FUOM: variants seen among roughly 807,000 people sequenced by gnomAD.
The protein encoded by FUOM is protein fucU homolog.
Under a neutral mutation model 18.3 loss-of-function variants are expected in FUOM, and 19 were observed. That is an observed-to-expected ratio of 1.04 (90% confidence interval 0.73 to 1.53). FUOM has a LOEUF of 1.53. Ranked by LOEUF, FUOM falls within the 40% of genes most tolerant of loss-of-function variation. The probability of loss-of-function intolerance (pLI) is 0.00; values close to 1 mark genes in which losing one functional copy is unlikely to be tolerated. For synonymous variants in FUOM, 102 were observed against 87.9 expected (o/e 1.16, Z -0.90); for missense variants, 210 against 200.9 (o/e 1.04, Z -0.27).
chr10:133,356,921 G>T, intron 3 of FUOM, 22 bp downstream of exon 3: 7 of 1,548,640 alleles, frequency 4.5e-6, no homozygotes, highest in Non-Finnish European at 6.1e-6. Context: ...GCAGCAGGGT[G>T]CAGGGGCGAC....
intron 4 of FUOM, among the ~76,000 whole-genome samples, 181 bp downstream of exon 4, chr10:133,356,459 G>A (rs1848802711): frequency 6.6e-6 from 1 of 152,224 alleles, no homozygotes; most frequent in Non-Finnish European, 1.5e-5. Flanking sequence ...GGGCCACACT[G>A]CCCAGGTGCA....
chr10:133,356,959 G>A lies in FUOM; in HGVS notation c.209C>T (p.Thr70Ile), dbSNP rs1322072866. The change falls in exon 3 of 6, where the codon ACC becomes ATC. Residue 70 changes from threonine (T) to isoleucine (I), a missense_variant. By Grantham distance (89) the Thr-to-Ile change is moderately conservative. Transcript: ENST00000278025. ...AGCCCTCACCGGACTCTCCACATAG[G>A]TGTCCAGGGGCAGCAGCTTCAGCAC... Reference protein sequence around the residue: ...EAVLKLLPLDTYVESPAAVME... With the variant: ...EAVLKLLPLDIYVESPAAVME... The A allele has an allele frequency of 1.0e-5, 16 of 1,550,232 alleles. No individual in the cohort carries two copies. The highest frequency in any genetic ancestry group is 5.9e-5 in the Admixed American group (3 of 50,992).
chr10:133,358,001 C>T lies in FUOM; in HGVS notation c.7G>A (p.Ala3Thr), dbSNP rs547833124. The T allele has an allele frequency of 3.3e-6, 5 of 1,502,430 alleles. No homozygotes were observed. The Admixed American group carries it at 6.3e-5, about 19-fold the overall frequency. 93.1% of individuals were successfully genotyped at this position (1,502,430 alleles called of 1,614,324 possible). Residue 3 changes from alanine to threonine, a missense_variant, in exon 1 of 6, where the codon GCG (alanine) becomes ACG (threonine). By Grantham distance (58) the Ala-to-Thr change is moderately conservative. Coordinates refer to ENST00000278025, the MANE Select transcript of FUOM (RefSeq NM_001098483.3). MV[A>T]LKGVPALLSP... The stretch of plus-strand genomic sequence containing the variant: ...AGCAGTGCGGGGACACCCTTCAGCG[C>T]CACCATGGCCCGGCAGACGGGGCGG...
At chr10:133,353,615 C>A (rs1484273992), downstream of FUOM, among the ~76,000 whole-genome samples, 1 of 152,184 alleles carries the variant, frequency 6.6e-6, no homozygotes, top group Non-Finnish European at 1.5e-5. Flanking sequence ...GCCAGCAAAT[C>A]CCCGCTCTCC....
intron 5 of FUOM, 108 bp downstream of exon 5, chr10:133,355,630 G>A: frequency 6.4e-7 from 1 of 1,554,590 alleles, no homozygotes; most frequent in East Asian, 2.2e-5. Context: ...CAGCCAGGCA[G>A]AAGCTGAGAA....
At chr10:133,357,898 C>T (rs1331586311) in intron 1 of FUOM, 25 bp downstream of exon 1, 4 of 1,513,828 alleles carry the variant, frequency 2.6e-6, no homozygotes, top group Non-Finnish European at 3.5e-6. Context: ...GGGTGCTCCC[C>T]GAGGCCCCGG....
chr10:133,356,876 T>C (rs1848819309), intron 3 of FUOM, 67 bp downstream of exon 3: 1 of 1,511,284 alleles, frequency 6.6e-7, no homozygotes, highest in Non-Finnish European at 9.0e-7. Flanking sequence ...AGGTGGGCCC[T>C]ATGAAGCCCG....
At chr10:133,355,546 A>G in intron 5 of FUOM, 110 bp from the exon 6 acceptor site, 1 of 1,609,976 alleles carries the variant, frequency 6.2e-7, no homozygotes. Context: ...CACCCACTTG[A>G]TGCTCAGGCA....
At position 133,357,193 on chromosome 10, in the gene FUOM, C is replaced by T. The variant is rs762863840; in HGVS notation, c.148G>A (p.Ala50Thr). The part of the protein sequence containing the change: ...ICQCGPMEIR[A>T]DGLGIPQLLE... ...GGACCTGGGGCTCGCTCACCGTCTG[C>T]ACGGATCTCCATGGGCCCACACTGG... is the stretch of plus-strand genomic sequence containing the variant. The change falls in exon 2 of 6, where the codon GCA (alanine) becomes ACA (threonine). Residue 50 changes from alanine (A) to threonine (T), a missense_variant. Coordinates refer to ENST00000278025, the MANE Select transcript of FUOM (RefSeq NM_001098483.3). 1 of 1,575,420 alleles carries T rather than the reference C, an allele frequency of 6.3e-7. No individual in the cohort carries two copies. Among genetic ancestry groups the T allele is most frequent in the Admixed American group, 1.8e-5 (1 of 55,036 alleles).
downstream of FUOM, chr10:133,355,086 G>C (rs1463007630): frequency 2.9e-5 from 14 of 486,568 alleles, no homozygotes; most frequent in Non-Finnish European, 4.4e-5. Flanking sequence ...AGGGTACGTG[G>C]GGGCCACTCT....
At chr10:133,357,570 G>A (rs1419736619) in intron 1 of FUOM, 4 of 489,214 alleles carry the variant, frequency 8.2e-6, no homozygotes, top group South Asian at 5.2e-5. Context: ...GAGGACGCGC[G>A]GCTGCCCGCG....
At chr10:133,356,899 C>G in intron 3 of FUOM, 44 bp downstream of exon 3, 1 of 1,537,120 alleles carries the variant, frequency 6.5e-7, no homozygotes, top group Non-Finnish European at 8.8e-7. Context: ...AAAGGGGAAA[C>G]TGAGGCACGG....
intron 2 of FUOM, 79 bp downstream of exon 2, chr10:133,357,108 G>T: frequency 6.5e-7 from 1 of 1,537,482 alleles, no homozygotes; most frequent in Non-Finnish European, 8.8e-7. Flanking sequence ...TGGGGCCACG[G>T]CAGGCCACAG....
rs868206070 is a variant in FUOM, at chr10:133,357,172, C to A, written c.154+15G>T. 6 of 1,562,418 alleles carry A rather than the reference C, an allele frequency of 3.8e-6. No homozygotes were observed. In the Middle Eastern group the frequency reaches 8.4e-4, roughly 219 times the overall value. ...ACCCGCCCGCCCTGCCCTGGGGGACCTGGGGCTCGCTCACCGTCTGCACGG... is the reference window on the plus strand; with the variant it reads ...ACCCGCCCGCCCTGCCCTGGGGGACATGGGGCTCGCTCACCGTCTGCACGG... On this transcript the variant is annotated intron_variant, in intron 2 of 5. Coordinates refer to ENST00000278025, the MANE Select transcript of FUOM (RefSeq NM_001098483.3).
chr10:133,357,092 T>G (rs1054970570), intron 2 of FUOM, 79 bp from the exon 3 acceptor site: 2 of 1,538,580 alleles, frequency 1.3e-6, no homozygotes, highest in Non-Finnish European at 1.8e-6. Flanking sequence ...ACTGCAAGCA[T>G]GGACTTGGGG....
chr10:133,355,602 C>G (rs1302713398), intron 5 of FUOM, 136 bp downstream of exon 5: 1 of 1,582,488 alleles, frequency 6.3e-7, no homozygotes, highest in Non-Finnish European at 8.7e-7. Flanking sequence ...TCTCTCCACT[C>G]TGTGGGACGT....
chr10:133,355,692 G>C, intron 5 of FUOM, 46 bp downstream of exon 5: 1 of 1,578,930 alleles, frequency 6.3e-7, no homozygotes, highest in Non-Finnish European at 8.7e-7. Flanking sequence ...GGCAGCTCCT[G>C]AGGCCCCAGT....
At position 133,357,988 on chromosome 10, in the gene FUOM, A is replaced by C. The variant is rs1165308654; in HGVS notation, c.20T>G (p.Val7Gly). Reference sequence around the variant, plus strand: ...CAGCTCGGGGGACAGCAGTGCGGGGACACCCTTCAGCGCCACCATGGCCCG... The same window carrying C: ...CAGCTCGGGGGACAGCAGTGCGGGGCCACCCTTCAGCGCCACCATGGCCCG... Reference protein sequence around the residue: MVALKGVPALLSPELLY... With the variant: MVALKGGPALLSPELLY... Residue 7 changes from valine (V) to glycine (G), a missense_variant, in exon 1 of 6, where the codon GTC becomes GGC. Transcript: ENST00000278025. 6.6e-7 allele frequency: 1 copy of C among 1,514,586 alleles called. No individual in the cohort carries two copies. The highest frequency in any genetic ancestry group is 1.2e-5 in the South Asian group (1 of 81,522). The allele number at this position is 1,514,586 out of a possible 1,614,324, so 93.8% of individuals were successfully genotyped here. A position where few individuals can be genotyped will look rare whatever the true frequency, so the allele number is the denominator to read the frequency against.
downstream of FUOM, among the ~76,000 whole-genome samples, chr10:133,354,543 C>T (rs926356003): frequency 1.2e-4 from 19 of 152,264 alleles, no homozygotes; most frequent in Admixed American, 5.2e-4. Flanking sequence ...GCCCCATCTT[C>T]TTCCTGTACC....
Sources: allele counts gnomAD v4.1 joint callset (sites outside exome capture counted in the v4.1 genomes callset), GRCh38; gene constraint gnomAD v4.1.1; transcripts MANE v1.5; gene names NCBI Gene and HGNC (gene_info 2026-07-23, HGNC 2026-07-21).